Variants in INPP5D observed in about 807,000 individuals in gnomAD.
INPP5D encodes the protein inositol polyphosphate-5-phosphatase D.
In INPP5D, 33 loss-of-function variants were observed where a neutral mutation model predicts 122.9. The ratio of observed to expected loss-of-function variants is 0.27; its 90% CI spans 0.20 to 0.36. The LOEUF is 0.36. Among genes scored for constraint, INPP5D ranks in the 10% least tolerant of loss-of-function variants. INPP5D has a pLI of 1.00. For synonymous variants in INPP5D, 584 were observed against 576.2 expected, an observed-to-expected ratio of 1.01 and a Z score of -0.19; for missense variants, 1,053 against 1,412.7, an observed-to-expected ratio of 0.75 and a Z score of 4.08.
chr2:233,066,837 G>C (rs768640654), intron 1 of INPP5D, among the ~76,000 whole-genome samples: 1 of 151,920 alleles, frequency 6.6e-6, no homozygotes, highest in Non-Finnish European at 1.5e-5. Flanking sequence ...GGAATGCAAT[G>C]GTGTGTTCTT....
intron 6 of INPP5D, among the ~76,000 whole-genome samples, chr2:233,142,881 G>A (rs1187428908): frequency 5.3e-5 from 8 of 152,088 alleles, no homozygotes; most frequent in Non-Finnish European, 1.2e-4. Flanking sequence ...CTCTGTCGTG[G>A]AGGACTCCTG....
chr2:233,108,736 T>C (rs1692529737), intron 2 of INPP5D, among the ~76,000 whole-genome samples: 1 of 152,156 alleles, frequency 6.6e-6, no homozygotes, highest in African/African-American at 2.4e-5. Context: ...AGCCCCTCCC[T>C]GCTCCCTCCC....
intron 21 of INPP5D, among the ~76,000 whole-genome samples, chr2:233,186,689 T>C (rs1201711338): frequency 1.6e-4 from 2 of 12,288 alleles, no homozygotes; most frequent in South Asian, 3.3e-3. Flanking sequence ...TCTTTCTTTT[T>C]TTTTTTTTTT....
Position 233,189,847 on chromosome 2 carries a change from C to A in INPP5D, c.2359-3C>A, listed in dbSNP as rs1269230071. On this transcript the variant is annotated splice_region_variant and splice_polypyrimidine_tract_variant and intron_variant, in intron 21 of 26. Coordinates refer to ENST00000445964, the MANE Select transcript of INPP5D (RefSeq NM_001017915.3). This position sits in a 1 kb window ranked among gnomAD's most constrained non-coding sequence, Gnocchi z 5.6. ...CTCCAGTCCTGTGCCCTTCTCTCTG[C>A]AGCTGAAGCCCATTATCTCTGACCC... 1 of 1,612,828 alleles carries A rather than the reference C, an allele frequency of 6.2e-7. No individual in the cohort carries two copies. Among genetic ancestry groups the A allele is most frequent in the Admixed American group, 1.7e-5 (1 of 59,896 alleles).
chr2:233,108,577 C>A (rs1157562217), intron 2 of INPP5D, among the ~76,000 whole-genome samples: 1 of 152,192 alleles, frequency 6.6e-6, no homozygotes, highest in African/African-American at 2.4e-5. Flanking sequence ...TCTCTCCCCC[C>A]AAGTGCAGGT....
At chr2:233,115,758 A>G (rs1386267872) in intron 2 of INPP5D, among the ~76,000 whole-genome samples, 1 of 152,184 alleles carries the variant, frequency 6.6e-6, no homozygotes, top group East Asian at 1.9e-4. Context: ...TGCAATGCAC[A>G]TGCCCCTCAA....
rs549218366 is a variant in INPP5D, at chr2:233,102,123, T to A, written c.199-19984T>A. Among the ~76,000 whole-genome samples the A allele has an allele frequency of 3.9e-5, 6 of 152,294 alleles. No homozygotes were observed. In the South Asian group the frequency reaches 1.2e-3, roughly 32 times the overall value. ...ACTGGTTTGGTCTCAGAGAGTTAGA[T>A]ACTGTACTCTAGATCGCACAACCAG... is the stretch of plus-strand genomic sequence containing the variant. On this transcript the variant is annotated intron_variant, in intron 2 of 26. Coordinates refer to ENST00000445964, the MANE Select transcript of INPP5D (RefSeq NM_001017915.3).
intron 1 of INPP5D, among the ~76,000 whole-genome samples, chr2:233,065,634 TCTTTCTTTCTTTCTTTC>T (rs1390358875): frequency 1.5e-3 from 18 of 12,180 alleles, no homozygotes; most frequent in African/African-American, 7.9e-3. Context: ...TTTCTTTCTT[TCTTTCTTTCTTTCTTTC>T]TTTTTTTTTT....
chr2:233,165,927 C>T (rs879662860), intron 13 of INPP5D, among the ~76,000 whole-genome samples: 5 of 151,946 alleles, frequency 3.3e-5, no homozygotes, highest in Admixed American at 3.3e-4. Context: ...GCATCAGGGG[C>T]GAGGCCAGTG....
chr2:233,195,697 T>C (rs1203071598), intron 24 of INPP5D, among the ~76,000 whole-genome samples: 5 of 152,142 alleles, frequency 3.3e-5, no homozygotes, highest in Non-Finnish European at 7.4e-5. Context: ...AAAAATGTGG[T>C]GGTTCATGCC....
chr2:233,204,485 C>T lies in INPP5D; in HGVS notation c.3335C>T (p.Ser1112Phe). Residue 1112 changes from serine (S) to phenylalanine (F), a missense_variant, in exon 26 of 27, where the codon TCC (serine) becomes TTC (phenylalanine). Ser to Phe is a radical substitution (Grantham distance 155). Around this residue, in one of 6 missense-constraint regions of INPP5D, gnomAD observed 417 missense variants for 425.8 expected, o/e 0.98. Transcript: ENST00000445964. ...GGGAAGCCCAAGACCCCGGTCAGCT[C>T]CCAGGCCCCGGTGCCGGCCAAGAGG... is the stretch of plus-strand genomic sequence containing the variant. ...SQGKPKTPVS[S>F]QAPVPAKRPI... 1.9e-6 allele frequency: 3 copies of T among 1,585,272 alleles called. No homozygotes were observed. Among genetic ancestry groups the T allele is most frequent in the Non-Finnish European group, 2.6e-6 (3 of 1,167,026 alleles).
intron 1 of INPP5D, among the ~76,000 whole-genome samples, chr2:233,065,741 G>T (rs779190104): frequency 1.3e-5 from 2 of 151,502 alleles, no homozygotes; most frequent in Non-Finnish European, 2.9e-5. Flanking sequence ...CCACCTCCAG[G>T]ATTCAAGCAA....
chr2:233,134,542 A>G (rs931750094), intron 5 of INPP5D, among the ~76,000 whole-genome samples: 9 of 152,126 alleles, frequency 5.9e-5, no homozygotes, highest in African/African-American at 2.2e-4. Context: ...AAATGTTGTG[A>G]CGATGTCCCC....
intron 25 of INPP5D, among the ~76,000 whole-genome samples, chr2:233,202,598 A>G (rs1034360711): frequency 6.6e-6 from 1 of 152,184 alleles, no homozygotes; most frequent in South Asian, 2.1e-4. Context: ...CTCAGTGCAC[A>G]TCCCATCAGT....
At chr2:233,168,592 G>GA (rs1694407070) in intron 13 of INPP5D, among the ~76,000 whole-genome samples, 2 of 152,204 alleles carry the variant, frequency 1.3e-5, no homozygotes, top group Non-Finnish European at 2.9e-5. Flanking sequence ...TGTTCTTTAC[G>GA]AACACTGAAA....
At position 233,066,293 on chromosome 2, in the gene INPP5D, G is replaced by A. The variant is rs1198971121; in HGVS notation, c.134+5681G>A. Among the ~76,000 whole-genome samples the A allele has an allele frequency of 2.6e-5, 4 of 152,196 alleles. No homozygotes were observed. The East Asian group carries it at 7.7e-4, about 29-fold the overall frequency. ...CTCAATCAATTGGTGCCATCTCCCT[G>A]CACATGAACCCTTGCGTCATGATGA... On this transcript the variant is annotated intron_variant, in intron 1 of 26. Transcript: ENST00000445964.
chr2:233,156,410 C>G (rs895844678), intron 9 of INPP5D, among the ~76,000 whole-genome samples: 8 of 152,262 alleles, frequency 5.3e-5, no homozygotes, highest in Non-Finnish European at 2.9e-5. Context: ...CTGCCTCAGC[C>G]TCCTGAGTGG....
At chr2:233,145,886 G>C (rs572974735) in intron 6 of INPP5D, 4 of 617,382 alleles carry the variant, frequency 6.5e-6, no homozygotes, top group Non-Finnish European at 1.2e-5. Context: ...CAGTCCTCGA[G>C]TTTTGTTTAA....
At chr2:233,161,134 C>T (rs1449029995) in intron 10 of INPP5D, among the ~76,000 whole-genome samples, 1 of 151,938 alleles carries the variant, frequency 6.6e-6, no homozygotes, top group Non-Finnish European at 1.5e-5. Flanking sequence ...CTCTGTTACC[C>T]AGGCTGGAGT....
Sources: gnomAD v4.1 joint callset for allele counts (sites outside exome capture counted in the v4.1 genomes callset) on GRCh38, gnomAD v4.1.1 for gene constraint, gnomAD v4.1.1 regional missense constraint, Gnocchi (gnomAD v3.1) non-coding constraint, MANE v1.5 for transcripts, NCBI Gene and HGNC (gene_info 2026-07-23, HGNC 2026-07-21) for gene names.